Variants in CCDC3 observed in about 807,000 individuals in gnomAD.
The protein encoded by CCDC3 is coiled-coil domain containing 3, also known as coiled-coil domain-containing protein 3.
In CCDC3, 24 loss-of-function variants were observed where a neutral mutation model predicts 21.4. The ratio of observed to expected loss-of-function variants is 1.12; its 90% confidence interval spans 0.81 to 1.58. The LOEUF (loss-of-function observed/expected upper bound fraction) is 1.58, where lower values mean the gene tolerates loss of function less well. Ranked by LOEUF, CCDC3 falls within the 40% of genes most tolerant of loss-of-function variation. The pLI is 0.00. For missense variants in CCDC3, 425 were observed against 360.9 expected, an observed-to-expected ratio of 1.18 and a Z score of -1.44; for synonymous variants, 186 against 166.0, an observed-to-expected ratio of 1.12 and a Z score of -0.93.
At chr10:13,094,164 C>A (rs1832606155) in intron 3 of CCDC3, among the ~76,000 whole-genome samples, 1 of 152,078 alleles carries the variant, frequency 6.6e-6, no homozygotes, top group African/African-American at 2.4e-5. Context: ...AAGCAGCATT[C>A]TTATCTATTA....
intron 5 of CCDC3, among the ~76,000 whole-genome samples, chr10:13,031,729 T>G (rs1836306261): frequency 6.6e-6 from 1 of 152,036 alleles, no homozygotes; most frequent in Non-Finnish European, 1.5e-5. Flanking sequence ...ACAAATAAAC[T>G]AGAAAATCTA....
At chr10:13,016,084 C>A (rs1032115506) in intron 5 of CCDC3, among the ~76,000 whole-genome samples, 1 of 151,678 alleles carries the variant, frequency 6.6e-6, no homozygotes. Context: ...CTACTATGTA[C>A]CCACAAAAAG....
At chr10:13,002,587 T>C (rs116800127), upstream of CCDC3, among the ~76,000 whole-genome samples, 2,169 of 152,120 alleles carry the variant, frequency 0.014, 60 homozygotes, top group African/African-American at 0.05. Flanking sequence ...GCTATGTTGC[T>C]CAGGCTGGTC....
chr10:12,913,019 T>G (rs1479677198), intron 2 of CCDC3, among the ~76,000 whole-genome samples: 1 of 152,232 alleles, frequency 6.6e-6, no homozygotes, highest in Non-Finnish European at 1.5e-5. Context: ...GTGTAGTATA[T>G]TTTGAAATCA....
At chr10:13,023,445 A>C (rs563697745) in intron 5 of CCDC3, among the ~76,000 whole-genome samples, 2 of 152,254 alleles carry the variant, frequency 1.3e-5, no homozygotes, top group South Asian at 4.1e-4. Context: ...CTCCTACCCA[A>C]AGTTGCTCAG....
At chr10:12,976,443 G>T (rs887795548) in intron 2 of CCDC3, among the ~76,000 whole-genome samples, 1 of 152,136 alleles carries the variant, frequency 6.6e-6, no homozygotes, top group Non-Finnish European at 1.5e-5. Context: ...TTGGGGGTGG[G>T]GGCAGAGGGC....
chr10:13,043,917 T>C (rs1420014806), intron 5 of CCDC3, among the ~76,000 whole-genome samples: 1 of 152,256 alleles, frequency 6.6e-6, no homozygotes, highest in East Asian at 1.9e-4. Context: ...TTTAAGTTAT[T>C]TGAGAACTCT....
At chr10:13,088,077 C>T (rs1399140428) in intron 3 of CCDC3, among the ~76,000 whole-genome samples, 1 of 152,198 alleles carries the variant, frequency 6.6e-6, no homozygotes, top group African/African-American at 2.4e-5. Flanking sequence ...CTTCAGCCTG[C>T]ATTCATCCCC....
At chr10:13,039,371 T>C (rs1262352515) in intron 5 of CCDC3, among the ~76,000 whole-genome samples, 1 of 151,082 alleles carries the variant, frequency 6.6e-6, no homozygotes, top group Non-Finnish European at 1.5e-5. Context: ...TTCAGTGAAC[T>C]GAGATCGTGC....
At chr10:13,048,820 G>A (rs1456513861) in intron 5 of CCDC3, among the ~76,000 whole-genome samples, 2 of 152,164 alleles carry the variant, frequency 1.3e-5, no homozygotes, top group East Asian at 1.9e-4. Context: ...TTAAGAGTAA[G>A]GAGTGTGTGT....
exon 4 of CCDC3, chr10:13,074,037 G>A (rs1037442096): frequency 6.6e-6 from 1 of 151,266 alleles, no homozygotes; most frequent in African/African-American, 2.4e-5. Context: ...TGGTTCCAGA[G>A]TTGGTGTCTC....
At chr10:13,036,897 A>G (rs1413934994) in intron 5 of CCDC3, among the ~76,000 whole-genome samples, 1 of 151,534 alleles carries the variant, frequency 6.6e-6, no homozygotes, top group African/African-American at 2.4e-5. Context: ...CTCTCATCTC[A>G]GTATCCAGCA....
intron 3 of CCDC3, among the ~76,000 whole-genome samples, chr10:13,085,344 A>G (rs1231070094): frequency 6.6e-6 from 1 of 152,240 alleles, no homozygotes; most frequent in Non-Finnish European, 1.5e-5. Flanking sequence ...CCCATGCCAG[A>G]AATAGAAATG....
At chr10:12,914,726 G>A (rs1297251828) in intron 2 of CCDC3, among the ~76,000 whole-genome samples, 2 of 152,170 alleles carry the variant, frequency 1.3e-5, no homozygotes, top group Admixed American at 6.5e-5. Flanking sequence ...TTACAGGTGT[G>A]CGTGAGCCAC....
chr10:13,044,306 T>C (rs192372854), intron 5 of CCDC3, among the ~76,000 whole-genome samples: 34 of 152,346 alleles, frequency 2.2e-4, no homozygotes, highest in African/African-American at 7.9e-4. Context: ...CCGTAGGTTG[T>C]CTGTTTATTA....
chr10:12,909,792 C>T (rs1392050425), intron 2 of CCDC3, among the ~76,000 whole-genome samples: 2 of 152,178 alleles, frequency 1.3e-5, no homozygotes, highest in Admixed American at 1.3e-4. Flanking sequence ...TGGTGCTATC[C>T]ACCTGACCCA....
intron 2 of CCDC3, among the ~76,000 whole-genome samples, chr10:12,976,282 G>A (rs1835416665): frequency 6.6e-6 from 1 of 152,230 alleles, no homozygotes; most frequent in African/African-American, 2.4e-5. Context: ...CCTGGTGGTT[G>A]AGCATTCATT....
At chr10:13,087,339 G>A (rs570065164) in intron 3 of CCDC3, among the ~76,000 whole-genome samples, 1 of 151,790 alleles carries the variant, frequency 6.6e-6, no homozygotes, top group Non-Finnish European at 1.5e-5. Context: ...AGGAGGTAGA[G>A]GTTGCGGTGA....
chr10:12,973,426 C>G (rs1835371947), intron 2 of CCDC3, among the ~76,000 whole-genome samples: 1 of 152,212 alleles, frequency 6.6e-6, no homozygotes, highest in South Asian at 2.1e-4. Context: ...GGTCAAAAGT[C>G]AGGCAACAGA....
Sources: gnomAD v4.1 joint callset for allele counts (sites outside exome capture counted in the v4.1 genomes callset) on GRCh38, gnomAD v4.1.1 for gene constraint, MANE v1.5 for transcripts, NCBI Gene and HGNC (gene_info 2026-07-23, HGNC 2026-07-21) for gene names.